The following B3GALT1 variants were observed in gnomAD, a reference collection of about 807,000 sequenced individuals.
B3GALT1 encodes the protein beta-1,3-galactosyltransferase 1.
Under a neutral mutation model 23.2 loss-of-function variants are expected in B3GALT1, and 10 were observed. That is an observed-to-expected ratio of 0.43 (90% CI 0.27 to 0.73). The LOEUF (loss-of-function observed/expected upper bound fraction) is 0.73. B3GALT1 is among the 30% of genes least tolerant of loss of function. The pLI is 0.21. For synonymous variants in B3GALT1, 156 were observed against 141.5 expected (o/e 1.10, Z -0.73); for missense variants, 299 against 405.4 (o/e 0.74, Z 2.25).
chr2:167,787,969 C>T (rs750877736), intron 3 of B3GALT1, among the ~76,000 whole-genome samples: 33 of 152,262 alleles, frequency 2.2e-4, no homozygotes, highest in Admixed American at 7.9e-4. Context: ...TACCAGATTA[C>T]GGTAGCCCCA....
At chr2:167,563,485 C>A in intron 2 of B3GALT1, among the ~76,000 whole-genome samples, 1 of 96,694 alleles carries the variant, frequency 1.0e-5, no homozygotes, top group Non-Finnish European at 2.0e-5. Flanking sequence ...GTAGGGGCGG[C>A]CGGGCAGAGG....
At chr2:167,428,258 T>C (rs747133511) in intron 1 of B3GALT1, among the ~76,000 whole-genome samples, 3 of 152,308 alleles carry the variant, frequency 2.0e-5, no homozygotes, top group Non-Finnish European at 2.9e-5. Context: ...GAAAATTTGG[T>C]TTTGAATAAG....
chr2:167,601,796 C>T (rs1684882735), intron 2 of B3GALT1, among the ~76,000 whole-genome samples: 1 of 152,138 alleles, frequency 6.6e-6, no homozygotes, highest in Non-Finnish European at 1.5e-5. Flanking sequence ...AATAATTTAT[C>T]CACAACTGTA....
intron 3 of B3GALT1, among the ~76,000 whole-genome samples, chr2:167,660,041 G>C (rs1049258196): frequency 6.6e-6 from 1 of 151,978 alleles, no homozygotes; most frequent in Non-Finnish European, 1.5e-5. Flanking sequence ...AAAACTCTTC[G>C]TATCACTGCC....
At chr2:167,489,239 A>G (rs1436737330) in intron 1 of B3GALT1, among the ~76,000 whole-genome samples, 1 of 152,138 alleles carries the variant, frequency 6.6e-6, no homozygotes, top group African/African-American at 2.4e-5. Context: ...ACATCACTAC[A>G]CCATTGGCGT....
At chr2:167,831,935 A>G (rs988971055) in intron 4 of B3GALT1, among the ~76,000 whole-genome samples, 4 of 152,254 alleles carry the variant, frequency 2.6e-5, no homozygotes, top group Admixed American at 6.5e-5. Context: ...TAGTTCGCCA[A>G]ATGGTTACAA....
intron 1 of B3GALT1, among the ~76,000 whole-genome samples, chr2:167,466,180 G>T (rs1032078511): frequency 3.3e-5 from 5 of 152,060 alleles, no homozygotes; most frequent in African/African-American, 1.2e-4. Context: ...ATGTGTCCTG[G>T]GAGCCATTTT....
chr2:167,322,302 A>C (rs1365375440), intron 1 of B3GALT1, among the ~76,000 whole-genome samples: 1 of 151,058 alleles, frequency 6.6e-6, no homozygotes, highest in Non-Finnish European at 1.5e-5. Flanking sequence ...GAGTTTCTGA[A>C]AAAAAAAATA....
chr2:167,829,785 G>A (rs1251625994), intron 4 of B3GALT1, among the ~76,000 whole-genome samples: 1 of 152,170 alleles, frequency 6.6e-6, no homozygotes, highest in Non-Finnish European at 1.5e-5. Context: ...TGGGAGAATA[G>A]TCCTCTGAGA....
intron 2 of B3GALT1, among the ~76,000 whole-genome samples, chr2:167,632,648 T>G (rs1437468069): frequency 6.6e-6 from 1 of 152,058 alleles, no homozygotes; most frequent in Non-Finnish European, 1.5e-5. Context: ...GATTCGTTTG[T>G]TTTTTTCTTG....
chr2:167,335,671 T>G (rs942794581), intron 1 of B3GALT1, among the ~76,000 whole-genome samples: 1 of 152,212 alleles, frequency 6.6e-6, no homozygotes, highest in Admixed American at 6.5e-5. Flanking sequence ...TAGGAGTGTC[T>G]CTTAGCATGC....
intron 3 of B3GALT1, among the ~76,000 whole-genome samples, chr2:167,664,644 G>GT (rs745605448): frequency 5.3e-5 from 8 of 152,164 alleles, no homozygotes; most frequent in East Asian, 1.9e-4. Flanking sequence ...TCCTCGAGCA[G>GT]TGGTTTGTAG....
intron 3 of B3GALT1, among the ~76,000 whole-genome samples, chr2:167,759,025 G>T (rs1344437587): frequency 6.6e-6 from 1 of 152,184 alleles, no homozygotes; most frequent in East Asian, 1.9e-4. Flanking sequence ...GGTGTTGGGG[G>T]CTGGCCCTTT....
intron 2 of B3GALT1, among the ~76,000 whole-genome samples, chr2:167,525,842 C>T (rs758827936): frequency 6.6e-6 from 1 of 151,240 alleles, no homozygotes; most frequent in Non-Finnish European, 1.5e-5. Context: ...TCAAACTCCT[C>T]AGCTTAAGTC....
rs746643153 is a variant in B3GALT1 at position 167,767,489 on chromosome 2, ACT to A, written c.-351-51182_-351-51181del. 5.3e-4 allele frequency among the ~76,000 whole-genome samples: 81 copies of A among 152,200 alleles called. 1 individual carries two copies. Among genetic ancestry groups the A allele is most frequent in the Non-Finnish European group, 8.5e-4 (58 of 67,996 alleles). On this transcript the variant is annotated intron_variant, in intron 3 of 4. Coordinates refer to ENST00000392690, the MANE Select transcript of B3GALT1 (RefSeq NM_020981.4). ...TTTCTCTGATTGGGGCTCTTTTCAA[ACT>A]GCTGTCTTATCCTTCTTCATGCCTC... is the stretch of plus-strand genomic sequence containing the variant.
intron 3 of B3GALT1, among the ~76,000 whole-genome samples, chr2:167,754,233 C>G (rs1687781166): frequency 6.6e-6 from 1 of 152,118 alleles, no homozygotes. Context: ...ACAAATTTTC[C>G]TATGTTACTT....
At chr2:167,561,568 T>C (rs1345245657) in intron 2 of B3GALT1, among the ~76,000 whole-genome samples, 1 of 150,626 alleles carries the variant, frequency 6.6e-6, no homozygotes, top group African/African-American at 2.4e-5. Flanking sequence ...GCAAGACTAA[T>C]GAAGAAAAAA....
intron 2 of B3GALT1, among the ~76,000 whole-genome samples, chr2:167,568,922 G>C (rs190494540): frequency 6.6e-6 from 1 of 151,900 alleles, no homozygotes; most frequent in Non-Finnish European, 1.5e-5. Context: ...TATGTGTTTA[G>C]ATTCATTGTT....
chr2:167,620,243 C>G (rs1685231938), intron 2 of B3GALT1, among the ~76,000 whole-genome samples: 1 of 151,922 alleles, frequency 6.6e-6, no homozygotes. Context: ...CTTGGGATGT[C>G]CATAGAATTG....
Sources: allele counts gnomAD v4.1 joint callset (sites outside exome capture counted in the v4.1 genomes callset), GRCh38; gene constraint gnomAD v4.1.1; transcripts MANE v1.5; gene names NCBI Gene and HGNC (gene_info 2026-07-23, HGNC 2026-07-21).